The following EFCAB6 variants were observed in gnomAD, a reference collection of about 807,000 sequenced individuals.
EFCAB6 encodes EF-hand calcium binding domain 6, also known as EF-hand calcium-binding domain-containing protein 6.
A neutral mutation model predicts 169.8 loss-of-function variants in EFCAB6; 156 were observed. The observed-to-expected ratio is 0.92, with a 90% CI of 0.81 to 1.05. EFCAB6 has a LOEUF of 1.05. Among genes scored for constraint, EFCAB6 ranks in the 50% least tolerant of loss-of-function variants. EFCAB6 has a pLI of 0.00. For synonymous variants in EFCAB6, 698 were observed against 676.4 expected, an observed-to-expected ratio of 1.03 and a Z score of -0.50; for missense variants, 1,800 against 1,829.1, an observed-to-expected ratio of 0.98 and a Z score of 0.29.
chr22:43,676,609 T>C (rs1429503627), intron 13 of EFCAB6, among the ~76,000 whole-genome samples: 2 of 152,204 alleles, frequency 1.3e-5, no homozygotes, highest in African/African-American at 4.8e-5. Flanking sequence ...AATGAATTTC[T>C]GTTACTTGTG....
chr22:43,793,815 T>C (rs1018192386), intron 2 of EFCAB6, among the ~76,000 whole-genome samples: 1 of 152,212 alleles, frequency 6.6e-6, no homozygotes, highest in African/African-American at 2.4e-5. Context: ...CATCGGTTCA[T>C]CTGAAGGGGA....
At chr22:43,675,732 A>G (rs1316186819) in intron 13 of EFCAB6, among the ~76,000 whole-genome samples, 38 of 147,868 alleles carry the variant, frequency 2.6e-4, no homozygotes, top group Non-Finnish European at 3.9e-4. Flanking sequence ...CCAAGATGTA[A>G]TTAATTAATG....
intron 12 of EFCAB6, 114 bp from the exon 13 acceptor site, chr22:43,678,277 T>A: frequency 1.0e-6 from 1 of 988,046 alleles, no homozygotes; most frequent in Non-Finnish European, 1.5e-6. Flanking sequence ...CAAATAGAAT[T>A]ATGATTGGAA....
At chr22:43,636,966 G>T (rs747185619) in intron 17 of EFCAB6, among the ~76,000 whole-genome samples, 1 of 152,134 alleles carries the variant, frequency 6.6e-6, no homozygotes, top group Non-Finnish European at 1.5e-5. Flanking sequence ...GGTCACAGGG[G>T]CCTGGACAAA....
intron 26 of EFCAB6, among the ~76,000 whole-genome samples, chr22:43,567,284 G>A (rs2049508518): frequency 6.6e-6 from 1 of 152,074 alleles, no homozygotes; most frequent in South Asian, 2.1e-4. Flanking sequence ...GCCATACAAT[G>A]CAAAGAAATA....
chr22:43,624,997 G>C (rs2054398485), intron 20 of EFCAB6, among the ~76,000 whole-genome samples: 1 of 152,184 alleles, frequency 6.6e-6, no homozygotes, highest in African/African-American at 2.4e-5. Flanking sequence ...TCATATTAAA[G>C]CTCCTGAGAA....
intron 2 of EFCAB6, among the ~76,000 whole-genome samples, chr22:43,800,580 A>C (rs908312840): frequency 2.0e-5 from 3 of 152,224 alleles, no homozygotes; most frequent in African/African-American, 7.2e-5. Context: ...TTCCAAGATA[A>C]CACAGAAAAT....
chr22:43,709,132 G>A (rs560996570), intron 10 of EFCAB6, among the ~76,000 whole-genome samples: 63 of 151,954 alleles, frequency 4.1e-4, no homozygotes, highest in South Asian at 2.1e-3. Flanking sequence ...CCCAGGCTGG[G>A]GTGCAGTGGT....
At position 43,795,558 on chromosome 22, in the gene EFCAB6, G is replaced by A. The variant is rs1463470625; in HGVS notation, c.-7-13233C>T. On this transcript the variant is annotated intron_variant, in intron 2 of 31. Coordinates refer to ENST00000262726, the MANE Select transcript of EFCAB6 (RefSeq NM_022785.4). This position sits in a 1 kb window ranked among gnomAD's most constrained non-coding sequence, Gnocchi z 4.2. Reference sequence around the variant, plus strand: ...ACCTCCTGGAACATCACTTTCTGGAGAGGCTTCTCTGACCACCCTGCATCT... The same window carrying A: ...ACCTCCTGGAACATCACTTTCTGGAAAGGCTTCTCTGACCACCCTGCATCT... Among the ~76,000 whole-genome samples the A allele has an allele frequency of 1.0e-4, 15 of 146,442 alleles. No individual in the cohort carries two copies. Among genetic ancestry groups the A allele is most frequent in the Admixed American group, 8.5e-4 (12 of 14,144 alleles).
intron 2 of EFCAB6, among the ~76,000 whole-genome samples, chr22:43,790,744 C>T (rs2062253734): frequency 6.6e-6 from 1 of 152,184 alleles, no homozygotes. Flanking sequence ...CACGAATAGG[C>T]TTACAGGTGC....
chr22:43,593,229 G>A (rs1479154103), intron 23 of EFCAB6, among the ~76,000 whole-genome samples: 7 of 152,222 alleles, frequency 4.6e-5, no homozygotes, highest in African/African-American at 1.7e-4. Context: ...TCTTTACTAA[G>A]AGAGCATGGG....
intron 24 of EFCAB6, among the ~76,000 whole-genome samples, chr22:43,585,547 C>G (rs1350307905): frequency 6.6e-6 from 1 of 151,990 alleles, no homozygotes; most frequent in Non-Finnish European, 1.5e-5. Flanking sequence ...AGCAAACAAA[C>G]AAAGAAACAA....
At chr22:43,809,427 G>A (rs1472775304) in intron 1 of EFCAB6, among the ~76,000 whole-genome samples, 1 of 152,090 alleles carries the variant, frequency 6.6e-6, no homozygotes, top group East Asian at 1.9e-4. Flanking sequence ...TCATCTCAAA[G>A]CCTTGGCAGG....
At chr22:43,647,872 G>A (rs893873761) in intron 17 of EFCAB6, among the ~76,000 whole-genome samples, 3 of 152,198 alleles carry the variant, frequency 2.0e-5, no homozygotes, top group African/African-American at 7.2e-5. Context: ...GAGAAACAAT[G>A]CAGCGTGCTC....
At chr22:43,808,456 G>A (rs2062994598) in intron 2 of EFCAB6, among the ~76,000 whole-genome samples, 1 of 152,176 alleles carries the variant, frequency 6.6e-6, no homozygotes, top group African/African-American at 2.4e-5. Flanking sequence ...AACTGTGTGT[G>A]AGATGATTTT....
chr22:43,529,089 G>T, intron 31 of EFCAB6, 114 bp from the exon 32 acceptor site: 1 of 1,232,288 alleles, frequency 8.1e-7, no homozygotes. Flanking sequence ...CCCCACTTCC[G>T]ATGTCAGCCT....
At chr22:43,686,610 GC>G (rs144890025) in intron 11 of EFCAB6, among the ~76,000 whole-genome samples, 12,646 of 152,276 alleles carry the variant, frequency 0.083, 654 homozygotes, top group South Asian at 0.17. Context: ...CTCAGAGGTT[GC>G]AGCTCTGGAG....
intron 16 of EFCAB6, 90 bp from the exon 17 acceptor site, chr22:43,667,362 G>A: frequency 3.4e-6 from 5 of 1,480,466 alleles, no homozygotes; most frequent in Non-Finnish European, 4.6e-6. Context: ...TGTAACCCAT[G>A]ACAGTAAGAA....
rs62226966 is a variant in EFCAB6, at chr22:43,562,536, G to A, written c.3421-7440C>T. ...GTGGGAGGGAGGCAGCCCGGTCAGG[G>A]GTGGGAGGGAGGCAGCCCAGTCAGA... On this transcript the variant is annotated intron_variant, in intron 26 of 31. Coordinates refer to ENST00000262726, the MANE Select transcript of EFCAB6 (RefSeq NM_022785.4). 8.8e-3 allele frequency among the ~76,000 whole-genome samples: 1,299 copies of A among 148,270 alleles called. 13 individuals carry two copies. Among genetic ancestry groups the A allele is most frequent in the Non-Finnish European group, 0.014 (955 of 66,336 alleles).
Sources: gnomAD v4.1 joint callset for allele counts (sites outside exome capture counted in the v4.1 genomes callset) on GRCh38, gnomAD v4.1.1 for gene constraint, Gnocchi (gnomAD v3.1) non-coding constraint, MANE v1.5 for transcripts, NCBI Gene and HGNC (gene_info 2026-07-23, HGNC 2026-07-21) for gene names.